Variants in ROBO2 observed in about 807,000 individuals in gnomAD.
ROBO2 encodes the protein roundabout guidance receptor 2.
ROBO2 carries 53 observed loss-of-function variants against 160.8 expected under a neutral mutation model. The ratio of observed to expected loss-of-function variants is 0.33; its 90% CI spans 0.26 to 0.41. ROBO2 has a LOEUF of 0.41. ROBO2 is among the 10% of genes least tolerant of loss of function. The pLI, the probability that ROBO2 is intolerant of heterozygous loss-of-function variation, is 1.00. For synonymous variants in ROBO2, 664 were observed against 611.7 expected (o/e 1.09, Z -1.26); for missense variants, 1,577 against 1,722.4 (o/e 0.92, Z 1.49).
At chr3:77,601,580 G>A (rs921704743) in intron 19 of ROBO2, among the ~76,000 whole-genome samples, 4 of 152,034 alleles carry the variant, frequency 2.6e-5, no homozygotes, top group African/African-American at 7.2e-5. Flanking sequence ...TAAACTCACC[G>A]ATCACTGAGA....
At chr3:77,092,113 T>C (rs1191895180) in intron 1 of ROBO2, 3 of 151,914 alleles carry the variant, frequency 2.0e-5, no homozygotes, top group African/African-American at 7.2e-5. Flanking sequence ...AAGATTAGCA[T>C]GGTCCCTGGG....
At chr3:75,982,360 T>C (rs1249456276) in intron 2 of ROBO2, among the ~76,000 whole-genome samples, 3 of 151,550 alleles carry the variant, frequency 2.0e-5, no homozygotes, top group African/African-American at 7.2e-5. Flanking sequence ...CTGTTCTCCA[T>C]AGTGGTTGTA....
Position 77,172,979 on chromosome 3 carries a change from A to T in ROBO2, c.388+74639A>T, listed in dbSNP as rs193297801. On this transcript the variant is annotated intron_variant, in intron 2 of 25. Transcript: ENST00000461745. ...GATAAACATTTGCAAGGCAAATAAT[A>T]AATTAGCCATTAATCAGAAGAATGT... Among the ~76,000 whole-genome samples, 18 of 152,320 alleles carry T rather than the reference A, an allele frequency of 1.2e-4. 1 individual carries two copies. Among genetic ancestry groups the T allele is most frequent in the East Asian group, 7.7e-4 (4 of 5,170 alleles).
chr3:76,304,738 T>TTTCCTTCCTTCCTTCCTTC (rs749689673), intron 2 of ROBO2, among the ~76,000 whole-genome samples: 105 of 29,066 alleles, frequency 3.6e-3, no homozygotes, highest in Middle Eastern at 0.04. Context: ...CTTTCTTTTC[T>TTTCCTTCCTTCCTTCCTTC]TTTCTTTCCT....
At chr3:76,537,451 A>C (rs182477635) in intron 2 of ROBO2, among the ~76,000 whole-genome samples, 1 of 152,046 alleles carries the variant, frequency 6.6e-6, no homozygotes, top group South Asian at 2.1e-4. Context: ...ACTTTTTAAG[A>C]ACACAGGCTA....
chr3:77,447,910 T>G (rs1418447705), intron 2 of ROBO2, among the ~76,000 whole-genome samples: 1 of 152,138 alleles, frequency 6.6e-6, no homozygotes, highest in Non-Finnish European at 1.5e-5. Flanking sequence ...GTCATATGTG[T>G]GAGAAAAACT....
At position 76,008,410 on chromosome 3, in the gene ROBO2, A is replaced by G. The variant is rs566525456; in HGVS notation, c.109+70808A>G. The stretch of plus-strand genomic sequence containing the variant: ...TGTCTTATGGTAAACCCTTGGGGTA[A>G]ACTCCAAAGGGTAAGTATTAGCAGT... On this transcript the variant is annotated intron_variant, in intron 2 of 26. Coordinates refer to the ROBO2 transcript ENST00000487694. 2.6e-5 allele frequency among the ~76,000 whole-genome samples: 4 copies of G among 152,284 alleles called. No individual in the cohort carries two copies. In the East Asian group the frequency reaches 7.7e-4, roughly 29 times the overall value.
intron 2 of ROBO2, among the ~76,000 whole-genome samples, chr3:76,239,006 G>A (rs1158197374): frequency 3.9e-5 from 6 of 152,066 alleles, no homozygotes; most frequent in Admixed American, 3.9e-4. Context: ...CAGCAGCATT[G>A]GTATCAACTG....
At chr3:76,603,351 A>AAAT (rs1553826368) in intron 2 of ROBO2, among the ~76,000 whole-genome samples, 22 of 26,408 alleles carry the variant, frequency 8.3e-4, no homozygotes, top group Admixed American at 2.2e-3. Flanking sequence ...AAAAAAAAAA[A>AAAT]ATATATATAT....
chr3:76,995,979 G>A (rs539719891), intron 2 of ROBO2, among the ~76,000 whole-genome samples: 1 of 152,154 alleles, frequency 6.6e-6, no homozygotes, highest in East Asian at 1.9e-4. Context: ...GTCAATTTTG[G>A]CTTTTGTTGC....
intron 2 of ROBO2, among the ~76,000 whole-genome samples, chr3:76,123,307 A>G (rs530629268): frequency 3.9e-5 from 6 of 152,222 alleles, no homozygotes; most frequent in Non-Finnish European, 5.9e-5. Context: ...CATTTTACAT[A>G]TCCTATCGAA....
intron 2 of ROBO2, among the ~76,000 whole-genome samples, chr3:77,267,041 C>T (rs1392391984): frequency 6.6e-6 from 1 of 152,080 alleles, no homozygotes; most frequent in African/African-American, 2.4e-5. Flanking sequence ...CATATTTTTT[C>T]CTCTTTCAGT....
chr3:76,238,668 A>C (rs540897635), intron 2 of ROBO2, among the ~76,000 whole-genome samples: 1 of 143,566 alleles, frequency 7.0e-6, no homozygotes, highest in East Asian at 2.2e-4. Flanking sequence ...GAAGAACATG[A>C]GGAAAACCAC....
intron 2 of ROBO2, among the ~76,000 whole-genome samples, chr3:76,074,490 T>TTAC (rs2068578084): frequency 6.6e-6 from 1 of 152,228 alleles, no homozygotes; most frequent in African/African-American, 2.4e-5. Context: ...TTAGAATTTC[T>TTAC]TCCCTTCTTA....
chr3:76,361,861 G>A (rs1183933143), intron 2 of ROBO2, among the ~76,000 whole-genome samples: 1 of 152,090 alleles, frequency 6.6e-6, no homozygotes, highest in Non-Finnish European at 1.5e-5. Context: ...TGATATTTAA[G>A]AAAGAGTAAG....
At position 77,424,414 on chromosome 3, in the gene ROBO2, G is replaced by A. The variant is rs1025925850; in HGVS notation, c.389-53000G>A. Among the ~76,000 whole-genome samples, 10 of 152,194 alleles carry A rather than the reference G, an allele frequency of 6.6e-5. No homozygotes were observed. In the East Asian group the frequency reaches 1.9e-3, roughly 29 times the overall value. ...TACAAAGTATATGCTTTTACCCAGG[G>A]GATATATACTTGTTGGCTTTCTTAT... On this transcript the variant is annotated intron_variant, in intron 2 of 25. Coordinates refer to ENST00000461745, the Ensembl canonical transcript of ROBO2.
At chr3:76,229,606 T>C (rs1305207460) in intron 2 of ROBO2, among the ~76,000 whole-genome samples, 3 of 152,162 alleles carry the variant, frequency 2.0e-5, no homozygotes, top group Non-Finnish European at 4.4e-5. Context: ...TATAATGATG[T>C]ATCTCATATA....
At chr3:76,179,850 A>G (rs903096654) in intron 2 of ROBO2, among the ~76,000 whole-genome samples, 11 of 152,170 alleles carry the variant, frequency 7.2e-5, no homozygotes, top group Non-Finnish European at 1.2e-4. Context: ...TAACAGTGAT[A>G]ACACTTTTTA....
chr3:76,373,008 T>C (rs1371876893), intron 2 of ROBO2, among the ~76,000 whole-genome samples: 1 of 152,022 alleles, frequency 6.6e-6, no homozygotes, highest in Non-Finnish European at 1.5e-5. Context: ...TCCAGTTCCA[T>C]ATGTGAGCAT....
Sources: allele counts gnomAD v4.1 joint callset (sites outside exome capture counted in the v4.1 genomes callset), GRCh38; gene constraint gnomAD v4.1.1; transcripts MANE v1.5; gene names NCBI Gene and HGNC (gene_info 2026-07-23, HGNC 2026-07-21).